TVP23B: variants seen among roughly 807,000 people sequenced by gnomAD.
TVP23B encodes trans-golgi network vesicle protein 23 homolog B.
Under a neutral mutation model 30.6 loss-of-function variants are expected in TVP23B, and 10 were observed. That is an observed-to-expected ratio of 0.33 (90% CI 0.20 to 0.55). The LOEUF is 0.55. Among genes scored for constraint, TVP23B ranks in the 20% least tolerant of loss-of-function variants. The pLI is 0.91. For synonymous variants in TVP23B, 67 were observed against 83.1 expected (o/e 0.81, Z 1.06); for missense variants, 153 against 243.2 (o/e 0.63, Z 2.47).
At chr17:18,785,473 A>G (rs2035890035) in intron 1 of TVP23B, among the ~76,000 whole-genome samples, 1 of 151,888 alleles carries the variant, frequency 6.6e-6, no homozygotes, top group South Asian at 2.1e-4. Context: ...AAATGAGAAG[A>G]AATGAGTCTT....
In TVP23B at chr17:18,805,753, G is replaced by T. The variant is rs181253239; in HGVS notation, c.*186G>T. 3.5e-5 allele frequency: 50 copies of T among 1,432,914 alleles called. No homozygotes were observed. The Admixed American group carries it at 1.3e-3, about 38-fold the overall frequency. The allele number at this position is 1,432,914 out of a possible 1,614,324, so 88.8% of individuals were successfully genotyped here. A position where few individuals can be genotyped will look rare whatever the true frequency, so the allele number is the denominator to read the frequency against. On this transcript the variant is annotated 3_prime_UTR_variant, in exon 7 of 7. Coordinates refer to ENST00000307767, the MANE Select transcript of TVP23B (RefSeq NM_016078.6). ...TTTTATTTCCTTTCCAGCAGTTGGG[G>T]CTAGAAAGTATGTGTTGGCACTAGA...
intron 1 of TVP23B, among the ~76,000 whole-genome samples, chr17:18,784,109 C>T (rs1228098783): frequency 6.6e-6 from 1 of 152,016 alleles, no homozygotes; most frequent in South Asian, 2.1e-4. Context: ...CGCGCCACTG[C>T]ACTCCAGCCT....
chr17:18,802,599 C>T (rs1293338955), intron 5 of TVP23B, among the ~76,000 whole-genome samples: 2 of 151,922 alleles, frequency 1.3e-5, no homozygotes, highest in Non-Finnish European at 2.9e-5. Context: ...CAACCTGGCT[C>T]TTTCTTTGGC....
At chr17:18,787,456 T>C (rs1388200639) in intron 1 of TVP23B, among the ~76,000 whole-genome samples, 1 of 150,372 alleles carries the variant, frequency 6.7e-6, no homozygotes, top group Non-Finnish European at 1.5e-5. Context: ...TTAATCTATA[T>C]GGAGGTAGGA....
chr17:18,790,764 C>T, intron 2 of TVP23B, 132 bp from the exon 3 acceptor site: 2 of 1,470,536 alleles, frequency 1.4e-6, no homozygotes, highest in South Asian at 1.3e-5. Flanking sequence ...TTGCTTCATC[C>T]TACTAAAGTC....
chr17:18,804,201 G>T lies in TVP23B; in HGVS notation c.526G>T (p.Val176Leu). Residue 176 changes from valine to leucine, a missense_variant, in exon 6 of 7, where the codon GTG becomes TTG. Around this residue, in one of 3 missense-constraint regions of TVP23B, gnomAD observed 62 missense variants for 74.3 expected, o/e 0.83. Transcript: ENST00000307767. Reference protein sequence around the residue: ...ANLYGYIRCKVRSRKHLTSMA... With the variant: ...ANLYGYIRCKLRSRKHLTSMA... Reference sequence around the variant, plus strand: ...CCTGTATGGTTACATCAGGTGTAAGGTGCGCAGCAGAAAGCATTTAACCAG... The same window carrying T: ...CCTGTATGGTTACATCAGGTGTAAGTTGCGCAGCAGAAAGCATTTAACCAG... 6.2e-7 allele frequency: 1 copy of T among 1,611,244 alleles called. No individual in the cohort carries two copies. The highest frequency in any genetic ancestry group is 8.5e-7 in the Non-Finnish European group (1 of 1,179,238).
intron 2 of TVP23B, among the ~76,000 whole-genome samples, chr17:18,789,996 G>GT (rs1387284674): frequency 6.6e-6 from 1 of 152,192 alleles, no homozygotes; most frequent in Non-Finnish European, 1.5e-5. Context: ...GGGGTTTGAA[G>GT]GTAAATGGGG....
intron 1 of TVP23B, among the ~76,000 whole-genome samples, chr17:18,787,675 T>C (rs1198675758): frequency 6.6e-6 from 1 of 152,026 alleles, no homozygotes; most frequent in Non-Finnish European, 1.5e-5. Context: ...AGGCAGGAGA[T>C]GGGAGAGAGA....
rs560850720 is a variant in TVP23B at position 18,793,379 on chromosome 17, G to A, written c.240+2339G>A. Among the ~76,000 whole-genome samples the A allele has an allele frequency of 3.8e-4, 58 of 151,052 alleles. 1 individual carries two copies. Among genetic ancestry groups the A allele is most frequent in the African/African-American group, 1.2e-3 (50 of 41,214 alleles). On this transcript the variant is annotated intron_variant, in intron 3 of 6. Coordinates refer to ENST00000307767, the MANE Select transcript of TVP23B (RefSeq NM_016078.6). ...TCCCAGCACTTTGGGAGGCTGAGGCGGGTGGATCATGAGGTCAGGAGATCG... is the reference window on the plus strand; with the variant it reads ...TCCCAGCACTTTGGGAGGCTGAGGCAGGTGGATCATGAGGTCAGGAGATCG...
chr17:18,803,044 A>G (rs1372901462), intron 5 of TVP23B, among the ~76,000 whole-genome samples: 1 of 152,224 alleles, frequency 6.6e-6, no homozygotes, highest in African/African-American at 2.4e-5. Flanking sequence ...CATTAATCAA[A>G]CATTTAAATC....
At chr17:18,802,258 G>A (rs1280226007) in intron 5 of TVP23B, among the ~76,000 whole-genome samples, 1 of 152,022 alleles carries the variant, frequency 6.6e-6, no homozygotes, top group African/African-American at 2.4e-5. Context: ...AAATAAATGG[G>A]TTAAGACCAC....
chr17:18,791,950 G>A (rs1294577869), intron 3 of TVP23B, among the ~76,000 whole-genome samples: 4 of 151,720 alleles, frequency 2.6e-5, no homozygotes, highest in African/African-American at 9.8e-5. Flanking sequence ...TGATTTTGGA[G>A]TTTCAGAGAC....
chr17:18,789,478 C>T (rs752604008), intron 2 of TVP23B, 43 bp downstream of exon 2: 61 of 1,613,598 alleles, frequency 3.8e-5, no homozygotes, highest in Middle Eastern at 1.7e-4. Flanking sequence ...GTGTCCAGTG[C>T]TGTTCTGTAT....
rs191286689 is a variant in TVP23B, at chr17:18,784,644, C to T, written c.12+3339C>T. 4.1e-3 allele frequency among the ~76,000 whole-genome samples: 614 copies of T among 150,750 alleles called. 1 individual carries two copies. Among genetic ancestry groups the T allele is most frequent in the Middle Eastern group, 6.9e-3 (2 of 290 alleles). Reference sequence around the variant, plus strand: ...CCAGCCTGGCGACAGAGCGAGACTCCGTCTCAAAAAAAAGAAAAAAAATAC... The same window carrying T: ...CCAGCCTGGCGACAGAGCGAGACTCTGTCTCAAAAAAAAGAAAAAAAATAC... On this transcript the variant is annotated intron_variant, in intron 1 of 6. Coordinates refer to ENST00000307767, the MANE Select transcript of TVP23B (RefSeq NM_016078.6).
At chr17:18,790,554 C>A (rs1308197493) in intron 2 of TVP23B, among the ~76,000 whole-genome samples, 2 of 151,410 alleles carry the variant, frequency 1.3e-5, no homozygotes, top group Non-Finnish European at 2.9e-5. Flanking sequence ...CTAAGGAATT[C>A]TTTTGGTGTG....
chr17:18,789,632 A>G (rs1173068144), intron 2 of TVP23B, 197 bp downstream of exon 2: 1 of 582,724 alleles, frequency 1.7e-6, no homozygotes, highest in Non-Finnish European at 2.9e-6. Context: ...CTTAATACTG[A>G]GTTTTAAAAT....
chr17:18,798,015 T>G (rs550395089), intron 4 of TVP23B, among the ~76,000 whole-genome samples: 2 of 151,944 alleles, frequency 1.3e-5, no homozygotes, highest in Non-Finnish European at 2.9e-5. Flanking sequence ...TTTTAACATC[T>G]TGTTCTGTCT....
chr17:18,793,334 G>T (rs1009107922), intron 3 of TVP23B, among the ~76,000 whole-genome samples: 39 of 151,782 alleles, frequency 2.6e-4, no homozygotes, highest in Non-Finnish European at 5.0e-4. Context: ...ATGGCTGGGC[G>T]CGGTGGCTCA....
chr17:18,791,284 C>G, intron 3 of TVP23B, among the ~76,000 whole-genome samples: 1 of 112,244 alleles, frequency 8.9e-6, no homozygotes. Context: ...GTGCCATATT[C>G]TAACCTACAT....
Sources: allele counts gnomAD v4.1 joint callset (sites outside exome capture counted in the v4.1 genomes callset), GRCh38; gene constraint gnomAD v4.1.1; regional missense constraint gnomAD v4.1.1; transcripts MANE v1.5; gene names NCBI Gene and HGNC (gene_info 2026-07-23, HGNC 2026-07-21).